Variants in NALCN observed in about 807,000 individuals in gnomAD.
The protein encoded by NALCN is sodium leak channel NALCN.
A neutral mutation model predicts 225.3 loss-of-function variants in NALCN; 111 were observed. The ratio of observed to expected loss-of-function variants is 0.49; its 90% CI spans 0.42 to 0.58. The LOEUF is 0.58. Among genes scored for constraint, NALCN ranks in the 20% least tolerant of loss-of-function variants. The pLI is 0.00. For missense variants in NALCN, 1,378 were observed against 2,202.4 expected (o/e 0.63, Z 7.49); for synonymous variants, 764 against 769.0 (o/e 0.99, Z 0.11).
Position 101,104,553 on chromosome 13 carries a change from C to T in NALCN, c.2734G>A (p.Val912Ile). 1.2e-6 allele frequency: 2 copies of T among 1,614,038 alleles called. No homozygotes were observed. Among genetic ancestry groups the T allele is most frequent in the Non-Finnish European group, 1.7e-6 (2 of 1,179,928 alleles). Reference sequence around the variant, plus strand: ...ACCTGCAAAGTAGGTGCATGCATGACTCTTCGAAACGGGGACTCAAACATC... The same window carrying T: ...ACCTGCAAAGTAGGTGCATGCATGATTCTTCGAAACGGGGACTCAAACATC... The part of the protein sequence containing the change: ...SMMFESPFRR[V>I]MHAPTLQIAE... The change falls in exon 24 of 44, where the codon GTC becomes ATC. Residue 912 changes from valine to isoleucine, a missense_variant. Val to Ile is a conservative substitution (Grantham distance 29). Around this residue, in one of 19 missense-constraint regions of NALCN, gnomAD observed 292 missense variants for 409.5 expected, o/e 0.71. Transcript: ENST00000251127. The surrounding 1 kb of genome is among the most constrained non-coding windows in gnomAD (Gnocchi z 4.2).
At chr13:101,388,280 G>A (rs568906646) in intron 3 of NALCN, among the ~76,000 whole-genome samples, 1 of 152,232 alleles carries the variant, frequency 6.6e-6, no homozygotes, top group East Asian at 1.9e-4. Flanking sequence ...CTATGAAGTT[G>A]AGCTGACTAC....
chr13:101,111,063 C>A (rs1206469841), intron 19 of NALCN, 62 bp downstream of exon 19: 4 of 1,524,688 alleles, frequency 2.6e-6, no homozygotes, highest in Non-Finnish European at 3.6e-6. Flanking sequence ...TGTACAGCGA[C>A]CATTTCCTGT....
intron 1 of NALCN, among the ~76,000 whole-genome samples, chr13:101,403,721 A>C (rs911288599): frequency 2.6e-5 from 4 of 152,252 alleles, no homozygotes; most frequent in African/African-American, 9.6e-5. Context: ...ACTTTTGTGC[A>C]TAAACTGTGG....
At chr13:101,176,461 T>G in intron 14 of NALCN, 87 bp from the exon 15 acceptor site, 1 of 890,762 alleles carries the variant, frequency 1.1e-6, no homozygotes, top group Non-Finnish European at 1.6e-6. Context: ...CTAAAATATA[T>G]TGAGTATATA....
chr13:101,357,138 G>A (rs758162980), intron 6 of NALCN, among the ~76,000 whole-genome samples: 29 of 152,136 alleles, frequency 1.9e-4, no homozygotes, highest in Admixed American at 3.3e-4. Flanking sequence ...AGACAAGGAT[G>A]CCCTCTCTCA....
chr13:101,351,076 TAATA>T (rs1198397367), intron 6 of NALCN, among the ~76,000 whole-genome samples: 6 of 152,174 alleles, frequency 3.9e-5, no homozygotes, highest in Non-Finnish European at 7.4e-5. Context: ...TGGAGAAACC[TAATA>T]TATAGTAGAT....
Position 101,387,430 on chromosome 13 carries a change from G to T in NALCN, c.291+7753C>A, listed in dbSNP as rs137888781. ...AAACATTTCATATTTGCACAACTCT[G>T]TTCCAAACAATGTGAAAACTTACTA... On this transcript the variant is annotated intron_variant, in intron 3 of 43. Coordinates refer to ENST00000251127, the MANE Select transcript of NALCN (RefSeq NM_052867.4). Among the ~76,000 whole-genome samples the T allele has an allele frequency of 5.3e-5, 8 of 152,142 alleles. No homozygotes were observed. The East Asian group carries it at 1.5e-3, about 29-fold the overall frequency.
chr13:101,139,419 T>C (rs2036959711), intron 17 of NALCN, among the ~76,000 whole-genome samples: 1 of 152,242 alleles, frequency 6.6e-6, no homozygotes, highest in South Asian at 2.1e-4. Context: ...TGATTCCCTC[T>C]AGCATAGTGA....
At chr13:101,063,049 T>TGCAG (rs951248983) in intron 40 of NALCN, among the ~76,000 whole-genome samples, 4 of 152,224 alleles carry the variant, frequency 2.6e-5, no homozygotes, top group African/African-American at 9.6e-5. Flanking sequence ...GCTCCCAGGA[T>TGCAG]GCCTGGACTG....
At chr13:101,360,189 C>CT (rs2046204054) in intron 6 of NALCN, among the ~76,000 whole-genome samples, 46 of 89,312 alleles carry the variant, frequency 5.2e-4, no homozygotes, top group Admixed American at 9.9e-4. Context: ...TTCCTCTCTT[C>CT]CTCTCTCTCT....
chr13:101,133,712 GA>G (rs947084616), intron 17 of NALCN, among the ~76,000 whole-genome samples: 4 of 152,000 alleles, frequency 2.6e-5, no homozygotes, highest in Admixed American at 1.3e-4. Context: ...ATTATGCTTA[GA>G]AAAAAAATTT....
At chr13:101,209,520 A>G (rs527404437) in intron 13 of NALCN, among the ~76,000 whole-genome samples, 2 of 152,298 alleles carry the variant, frequency 1.3e-5, no homozygotes, top group South Asian at 4.1e-4. Context: ...TAATTACTTT[A>G]AATTTTGATT....
Position 101,307,404 on chromosome 13 carries a change from G to T in NALCN, c.800-15038C>A, listed in dbSNP as rs139928387. ...CAGTTCTCCACCAACACACTGGCAA[G>T]TCGTTCTTATCACTCTTACATTAAA... On this transcript the variant is annotated intron_variant, in intron 7 of 43. Coordinates refer to ENST00000251127, the MANE Select transcript of NALCN (RefSeq NM_052867.4). Among the ~76,000 whole-genome samples the T allele has an allele frequency of 2.6e-5, 4 of 152,274 alleles. No homozygotes were observed. In the East Asian group the frequency reaches 7.7e-4, roughly 29 times the overall value.
chr13:101,400,847 G>A (rs188412526), intron 1 of NALCN, among the ~76,000 whole-genome samples: 33 of 152,144 alleles, frequency 2.2e-4, no homozygotes, highest in African/African-American at 8.0e-4. Flanking sequence ...TTATGGTGGC[G>A]GTTTCCCCCA....
In NALCN at chr13:101,292,346, A is replaced by G; in HGVS notation, c.820T>C (p.Tyr274His). The change falls in exon 8 of 44, where the codon TAT (tyrosine) becomes CAT (histidine). Residue 274 changes from tyrosine to histidine, a missense_variant. Around this residue, in one of 19 missense-constraint regions of NALCN, gnomAD observed 67 missense variants for 82.1 expected, o/e 0.82. Coordinates refer to ENST00000251127, the MANE Select transcript of NALCN (RefSeq NM_052867.4). This position sits in a 1 kb window ranked among gnomAD's most constrained non-coding sequence, Gnocchi z 4.3. ...CAGCCTTCCTGTGAGGCGGCCTCAT[A>G]GACGGTGAATATACTAGTTCCTGTC... Reference protein sequence around the residue: ...NEIGTSIFTVYEAASQEGWVF... With the variant: ...NEIGTSIFTVHEAASQEGWVF... 6.2e-7 allele frequency: 1 copy of G among 1,614,116 alleles called. No individual in the cohort carries two copies. The highest frequency in any genetic ancestry group is 8.5e-7 in the Non-Finnish European group (1 of 1,180,008).
Position 101,062,058 on chromosome 13 carries a change from C to G in NALCN, c.4665G>C (p.Ala1555=). 1 of 1,614,158 alleles carries G rather than the reference C, an allele frequency of 6.2e-7. No homozygotes were observed. Among genetic ancestry groups the G allele is most frequent in the Non-Finnish European group, 8.5e-7 (1 of 1,180,004 alleles). Residue 1555 remains alanine, a synonymous_variant, in exon 41 of 44, where the codon GCG becomes GCC. Coordinates refer to ENST00000251127, the MANE Select transcript of NALCN (RefSeq NM_052867.4). ...CTATGGTGTACTCCAGCTGCTCCCT[C>G]GCCAGGAGTTCCTCCAGCTGCAAGC... ...RKSLQLEELL[A]REQLEYTIEE...
At chr13:101,081,078 A>G (rs774955144) in intron 34 of NALCN, among the ~76,000 whole-genome samples, 24 of 152,218 alleles carry the variant, frequency 1.6e-4, no homozygotes, top group Non-Finnish European at 2.6e-4. Flanking sequence ...CTTGAGAATC[A>G]CATTGTGAAA....
chr13:101,229,301 C>A, intron 13 of NALCN, 92 bp downstream of exon 13: 1 of 1,178,218 alleles, frequency 8.5e-7, no homozygotes, highest in Non-Finnish European at 1.2e-6. Flanking sequence ...GATAATACTT[C>A]TGAATGACTA....
chr13:101,241,408 T>G (rs555179747), intron 11 of NALCN, among the ~76,000 whole-genome samples: 1 of 152,252 alleles, frequency 6.6e-6, no homozygotes, highest in South Asian at 2.1e-4. Flanking sequence ...GCAGGCTGTC[T>G]TACACAATTC....
Sources: allele counts gnomAD v4.1 joint callset (sites outside exome capture counted in the v4.1 genomes callset), GRCh38; gene constraint gnomAD v4.1.1; regional missense constraint gnomAD v4.1.1; non-coding constraint Gnocchi (gnomAD v3.1); transcripts MANE v1.5; gene names NCBI Gene and HGNC (gene_info 2026-07-23, HGNC 2026-07-21).